The following CCL26 variants were observed in gnomAD, a reference collection of about 807,000 sequenced individuals.
CCL26 encodes the protein C-C motif chemokine 26.
A neutral mutation model predicts 10.7 loss-of-function variants in CCL26; 10 were observed. The observed-to-expected ratio is 0.93, with a 90% CI of 0.57 to 1.58. CCL26 has a LOEUF of 1.58. Ranked by LOEUF, CCL26 falls within the 40% of genes most tolerant of loss-of-function variation. The pLI is 0.00. For synonymous variants in CCL26, 43 were observed against 41.4 expected (o/e 1.04, Z -0.15); for missense variants, 116 against 111.0 (o/e 1.05, Z -0.20).
intron 1 of CCL26, among the ~76,000 whole-genome samples, chr7:75,781,313 C>T (rs934132677): frequency 4.6e-5 from 7 of 152,226 alleles, no homozygotes; most frequent in African/African-American, 1.7e-4. Context: ...AATTCCTTGC[C>T]TCCACTGTGA....
chr7:75,775,940 C>T (rs1291177981), upstream of CCL26, among the ~76,000 whole-genome samples: 1 of 151,264 alleles, frequency 6.6e-6, no homozygotes, highest in Non-Finnish European at 1.5e-5. Context: ...GGGATTACAG[C>T]AGTGAGCCAC....
intron 1 of CCL26, among the ~76,000 whole-genome samples, chr7:75,778,852 G>GGC (rs1802999565): frequency 1.3e-5 from 2 of 151,946 alleles, no homozygotes; most frequent in South Asian, 2.1e-4. Flanking sequence ...CCAAGGTGGG[G>GGC]GGGGCAGATC....
chr7:75,779,601 G>A (rs1043538426), intron 1 of CCL26, among the ~76,000 whole-genome samples: 8 of 152,126 alleles, frequency 5.3e-5, no homozygotes, highest in Admixed American at 6.5e-5. Flanking sequence ...AAGGAGATGC[G>A]TTTTATCCGT....
In CCL26 at chr7:75,777,721, GA is replaced by G. The variant is rs60039632; in HGVS notation, c.-78-5468del. ...CCCAACAGAGTGAGATCCTGTCTCA[GA>G]AAAAAAAAAAAAAAAAAAAAGCAGC... On this transcript the variant is annotated intron_variant, in intron 1 of 3. Coordinates refer to the CCL26 transcript ENST00000394905. 5.8e-3 allele frequency among the ~76,000 whole-genome samples: 351 copies of G among 60,534 alleles called. 3 individuals carry two copies. Among genetic ancestry groups the G allele is most frequent in the African/African-American group, 0.021 (302 of 14,142 alleles). 39.7% of individuals were successfully genotyped at this position (60,534 alleles called of 152,430 possible). A position where few individuals can be genotyped will look rare whatever the true frequency, so the allele number is the denominator to read the frequency against.
chr7:75,778,848 T>TGGGGG (rs1554529061), intron 1 of CCL26, among the ~76,000 whole-genome samples: 32 of 149,252 alleles, frequency 2.1e-4, no homozygotes, highest in African/African-American at 7.6e-4. Flanking sequence ...GAGGCCAAGG[T>TGGGGG]GGGGGGGGCA....
chr7:75,787,373 A>G (rs1032451236), intron 1 of CCL26, among the ~76,000 whole-genome samples: 4 of 152,058 alleles, frequency 2.6e-5, no homozygotes, highest in African/African-American at 4.8e-5. Flanking sequence ...AGCCGGGCAC[A>G]GTGGCTCACG....
At chr7:75,785,890 C>A (rs191844805) in intron 1 of CCL26, among the ~76,000 whole-genome samples, 28 of 152,280 alleles carry the variant, frequency 1.8e-4, no homozygotes, top group African/African-American at 6.3e-4. Context: ...CGCCCTGTAG[C>A]CTTTTTGTCC....
In CCL26 at chr7:75,769,732, T is replaced by C. The variant is rs782729716; in HGVS notation, c.246A>G (p.Gln82=). The C allele has an allele frequency of 2.5e-6, 4 of 1,613,188 alleles. No homozygotes were observed. The African/African-American group carries it at 5.3e-5, about 22-fold the overall frequency. ...GAGTTTTCAGTAAAGAAATGTATTTTTGCACCCATTTTTTCCTTGGATGGG... is the reference window on the plus strand; with the variant it reads ...GAGTTTTCAGTAAAGAAATGTATTTCTGCACCCATTTTTTCCTTGGATGGG... ...VCTHPRKKWV[Q]KYISLLKTPK... Residue 82 remains glutamine (Q), a synonymous_variant, in exon 3 of 3, where the codon CAA becomes CAG. Coordinates refer to ENST00000005180, the MANE Select transcript of CCL26 (RefSeq NM_001371938.1).
chr7:75,784,345 G>A lies in CCL26; in HGVS notation c.-79+5372C>T, dbSNP rs186089311. Among the ~76,000 whole-genome samples, 28 of 152,276 alleles carry A rather than the reference G, an allele frequency of 1.8e-4. No homozygotes were observed. The East Asian group carries it at 3.9e-3, about 21-fold the overall frequency. On this transcript the variant is annotated intron_variant, in intron 1 of 3. Transcript: ENST00000394905. Reference sequence around the variant, plus strand: ...CACTCCCAGAGCCCCTGGAACTCTGGCCCAAGGCTCTCTGACTGACTCCTT... The same window carrying A: ...CACTCCCAGAGCCCCTGGAACTCTGACCCAAGGCTCTCTGACTGACTCCTT...
chr7:75,787,479 C>T (rs10253682), intron 1 of CCL26, among the ~76,000 whole-genome samples: 1 of 151,570 alleles, frequency 6.6e-6, no homozygotes, highest in African/African-American at 2.4e-5. Context: ...CCCGTCTGTA[C>T]TAAAAATACA....
chr7:75,781,702 G>C (rs1803067914), intron 1 of CCL26, among the ~76,000 whole-genome samples: 2 of 152,032 alleles, frequency 1.3e-5, no homozygotes, highest in Non-Finnish European at 2.9e-5. Flanking sequence ...GCTCATCCTG[G>C]CTCAAAAGCT....
upstream of CCL26, among the ~76,000 whole-genome samples, chr7:75,776,970 A>C (rs148156998): frequency 0.01 from 1,548 of 152,108 alleles, 30 homozygotes; most frequent in African/African-American, 0.035. Flanking sequence ...GTGGCTCACA[A>C]CTGTAATCCC....
intron 1 of CCL26, among the ~76,000 whole-genome samples, chr7:75,780,737 G>A (rs1281394793): frequency 6.6e-6 from 1 of 152,004 alleles, no homozygotes; most frequent in Non-Finnish European, 1.5e-5. Context: ...GCGTCTCTGA[G>A]TCTTTCCAAT....
chr7:75,790,117 TTTTC>T (rs373330792), upstream of CCL26, among the ~76,000 whole-genome samples: 161 of 148,894 alleles, frequency 1.1e-3, 1 homozygote, highest in Non-Finnish European at 1.7e-3. Flanking sequence ...TTCTCTTTCT[TTTTC>T]TTTCTTTCTT....
At chr7:75,786,534 C>T (rs1554530020) in intron 1 of CCL26, among the ~76,000 whole-genome samples, 2 of 152,144 alleles carry the variant, frequency 1.3e-5, no homozygotes, top group African/African-American at 4.8e-5. Context: ...TAAGGGTCCT[C>T]CATCATTAAT....
chr7:75,788,377 C>T (rs978063803), intron 1 of CCL26, among the ~76,000 whole-genome samples: 10 of 152,142 alleles, frequency 6.6e-5, no homozygotes, highest in Admixed American at 2.6e-4. Flanking sequence ...CACCCCTGCC[C>T]GCCAGAGAAC....
At chr7:75,773,236 C>G (rs1170351993), upstream of CCL26, among the ~76,000 whole-genome samples, 1 of 152,036 alleles carries the variant, frequency 6.6e-6, no homozygotes, top group Non-Finnish European at 1.5e-5. Context: ...AGGGCCTGGT[C>G]AACATGGTGA....
chr7:75,786,806 C>T (rs371217241), intron 1 of CCL26, among the ~76,000 whole-genome samples: 1 of 152,196 alleles, frequency 6.6e-6, no homozygotes, highest in South Asian at 2.1e-4. Flanking sequence ...AGGAAAATAT[C>T]TCCTTCCAGC....
At chr7:75,790,068 CCTT>C (rs1554530569), upstream of CCL26, among the ~76,000 whole-genome samples, 1 of 124,424 alleles carries the variant, frequency 8.0e-6, no homozygotes, top group African/African-American at 3.0e-5. Context: ...TCTTTCTTTC[CCTT>C]CTTTTCTTCC....
Sources: allele counts gnomAD v4.1 joint callset (sites outside exome capture counted in the v4.1 genomes callset), GRCh38; gene constraint gnomAD v4.1.1; transcripts MANE v1.5; gene names NCBI Gene and HGNC (gene_info 2026-07-23, HGNC 2026-07-21).